The following PABIR3 variants were observed in gnomAD, a reference collection of about 807,000 sequenced individuals.
PABIR3 encodes the protein PABIR family member 3.
Under a neutral mutation model 23.1 loss-of-function variants are expected in PABIR3, and 20 were observed. The ratio of observed to expected loss-of-function variants is 0.86; its 90% confidence interval spans 0.61 to 1.26. The LOEUF (loss-of-function observed/expected upper bound fraction) is 1.26. Among genes scored for constraint, PABIR3 ranks in the 50% most tolerant of loss-of-function variants. PABIR3 has a pLI of 0.00. For missense variants in PABIR3, 189 were observed against 195.4 expected (o/e 0.97, Z 0.20); for synonymous variants, 69 against 68.5 (o/e 1.01, Z -0.04).
chrX:134,834,946 G>A (rs1292389947), intron 4 of PABIR3: 1 of 112,045 alleles, frequency 8.9e-6, no homozygotes, highest in Non-Finnish European at 1.9e-5. Context: ...CTTATTTATT[G>A]AAGAAACCAG....
intron 1 of PABIR3, among the ~76,000 whole-genome samples, chrX:134,801,650 A>T (rs1344593988): frequency 8.9e-6 from 1 of 111,742 alleles, no homozygotes; most frequent in Non-Finnish European, 1.9e-5. Flanking sequence ...GATGGCAGTT[A>T]TCTGGAGGAG....
intron 9 of PABIR3, among the ~76,000 whole-genome samples, chrX:134,850,190 A>G (rs2082583514): frequency 9.1e-6 from 1 of 110,408 alleles, no homozygotes; most frequent in Non-Finnish European, 1.9e-5. Context: ...TTTGACTACA[A>G]TGGGGAGGGG....
intron 7 of PABIR3, 74 bp downstream of exon 7, chrX:134,847,549 A>C: frequency 1.3e-6 from 1 of 749,296 alleles, no homozygotes; most frequent in Non-Finnish European, 2.0e-6. Context: ...AATGGTCACC[A>C]AAACAAATAT....
upstream of PABIR3, among the ~76,000 whole-genome samples, chrX:134,803,321 C>T (rs771913051): frequency 8.1e-4 from 90 of 111,577 alleles, no homozygotes; most frequent in African/African-American, 2.9e-3. Flanking sequence ...TTGTTCTTCC[C>T]CACCTGGGGC....
At chrX:134,815,576 A>G (rs1457655037) in intron 3 of PABIR3, among the ~76,000 whole-genome samples, 1 of 111,955 alleles carries the variant, frequency 8.9e-6, no homozygotes, top group Middle Eastern at 4.2e-3. Flanking sequence ...GTTCCTCATC[A>G]TTGAATATGA....
In PABIR3 at chrX:134,814,851, T is replaced by G; in HGVS notation, c.189+2T>G. Reference sequence around the variant, plus strand: ...ACATTTAGGAATCGACGCTCTCTGGTAAGGAAATGCTTATAGTGGCCTCCC... The same window carrying G: ...ACATTTAGGAATCGACGCTCTCTGGGAAGGAAATGCTTATAGTGGCCTCCC... On this transcript the variant is annotated splice_donor_variant, in intron 3 of 10. Coordinates refer to ENST00000645433, the MANE Select transcript of PABIR3 (RefSeq NM_001388447.1). LOFTEE classifies it high-confidence loss of function. The G allele has an allele frequency of 8.5e-7, 1 of 1,181,606 alleles. No homozygotes were observed. Among genetic ancestry groups the G allele is most frequent in the Non-Finnish European group, 1.1e-6 (1 of 874,973 alleles).
intron 2 of PABIR3, chrX:134,809,358 G>C (rs2080482916): frequency 5.1e-6 from 1 of 194,192 alleles, no homozygotes; most frequent in Non-Finnish European, 7.8e-6. Context: ...GTAGAGACGG[G>C]GTTTCACCGT....
intron 3 of PABIR3, among the ~76,000 whole-genome samples, chrX:134,818,202 A>G (rs1327563144): frequency 8.9e-6 from 1 of 111,817 alleles, no homozygotes; most frequent in Non-Finnish European, 1.9e-5. Flanking sequence ...TTGGACCTGT[A>G]AACTAGTGAT....
downstream of PABIR3, among the ~76,000 whole-genome samples, chrX:134,855,350 C>T (rs1372630185): frequency 2.7e-5 from 3 of 109,133 alleles, no homozygotes; most frequent in East Asian, 2.8e-4. Context: ...AGGAGAATGG[C>T]GTGAATCCGG....
At chrX:134,826,689 G>A (rs1242528294) in intron 3 of PABIR3, among the ~76,000 whole-genome samples, 1 of 111,414 alleles carries the variant, frequency 9.0e-6, no homozygotes, top group Non-Finnish European at 1.9e-5. Flanking sequence ...GTTGCTAATT[G>A]TCAAATAAAA....
downstream of PABIR3, among the ~76,000 whole-genome samples, chrX:134,857,668 T>G (rs934883336): frequency 1.4e-4 from 16 of 111,476 alleles, no homozygotes; most frequent in African/African-American, 4.9e-4. Context: ...GCATCATTAT[T>G]AAACCTTAGA....
At chrX:134,845,162 G>C (rs2074272530) in intron 4 of PABIR3, 43 bp from the exon 5 acceptor site, 2 of 1,061,167 alleles carry the variant, frequency 1.9e-6, no homozygotes, top group Non-Finnish European at 2.6e-6. Context: ...TAAAACCATA[G>C]GAACTGGGTA....
chrX:134,855,223 A>G (rs2082742236), downstream of PABIR3, among the ~76,000 whole-genome samples: 1 of 110,655 alleles, frequency 9.0e-6, no homozygotes, highest in African/African-American at 3.3e-5. Flanking sequence ...TCACAAGGTC[A>G]GGAGATCGAG....
intron 10 of PABIR3, among the ~76,000 whole-genome samples, chrX:134,853,722 C>T (rs1190256689): frequency 9.1e-6 from 1 of 110,086 alleles, no homozygotes; most frequent in Non-Finnish European, 1.9e-5. Flanking sequence ...TGGGTTCAAA[C>T]AATTCTCCTG....
At chrX:134,842,894 G>A (rs1368250836) in intron 4 of PABIR3, among the ~76,000 whole-genome samples, 2 of 100,281 alleles carry the variant, frequency 2.0e-5, no homozygotes, top group Non-Finnish European at 4.0e-5. Context: ...GCAAAACTCC[G>A]TCTCAAAAAA....
At chrX:134,800,651 G>A (rs913193973) in intron 1 of PABIR3, among the ~76,000 whole-genome samples, 29 of 109,568 alleles carry the variant, frequency 2.6e-4, no homozygotes, top group African/African-American at 6.3e-4. Flanking sequence ...TTAGCAGGGC[G>A]TGGTGGTGCT....
intron 3 of PABIR3, among the ~76,000 whole-genome samples, chrX:134,828,047 C>CTCTCTCTCTATATATATATA (rs1466733144): frequency 2.0e-5 from 1 of 49,416 alleles, no homozygotes; most frequent in African/African-American, 8.2e-5. Context: ...CTCTCTCTCT[C>CTCTCTCTCTATATATATATA]TATATATATA....
intron 2 of PABIR3, chrX:134,810,622 G>A (rs143900643): frequency 0.011 from 7,929 of 751,589 alleles, 33 homozygotes; most frequent in Middle Eastern, 0.033. Flanking sequence ...TTTAGAGTAG[G>A]ATTACACTGA....
chrX:134,852,647 G>C (rs1240217243), intron 9 of PABIR3, among the ~76,000 whole-genome samples, 153 bp from the exon 10 acceptor site: 2 of 111,138 alleles, frequency 1.8e-5, no homozygotes, highest in African/African-American at 3.3e-5. Flanking sequence ...CTAAAGAATG[G>C]TTATGTCTGG....
Sources: gnomAD v4.1 joint callset for allele counts (sites outside exome capture counted in the v4.1 genomes callset) on GRCh38, gnomAD v4.1.1 for gene constraint, MANE v1.5 for transcripts, NCBI Gene and HGNC (gene_info 2026-07-23, HGNC 2026-07-21) for gene names.